The following FHIT variants were observed in gnomAD, a reference collection of about 807,000 sequenced individuals.
FHIT encodes the protein bis(5'-adenosyl)-triphosphatase.
A neutral mutation model predicts 17.9 loss-of-function variants in FHIT; 19 were observed. The observed-to-expected ratio is 1.06, with a 90% confidence interval of 0.74 to 1.56. The LOEUF (loss-of-function observed/expected upper bound fraction) is 1.56. FHIT is among the 40% of genes most tolerant of loss of function. FHIT has a pLI of 0.00. For missense variants in FHIT, 248 were observed against 189.2 expected, an observed-to-expected ratio of 1.31 and a Z score of -1.82; for synonymous variants, 81 against 69.7, an observed-to-expected ratio of 1.16 and a Z score of -0.81.
At chr3:60,329,033 G>T (rs1321511118) in intron 5 of FHIT, among the ~76,000 whole-genome samples, 1 of 152,088 alleles carries the variant, frequency 6.6e-6, no homozygotes, top group Non-Finnish European at 1.5e-5. Flanking sequence ...AACAACCCAG[G>T]AAAATTACTG....
intron 5 of FHIT, among the ~76,000 whole-genome samples, chr3:60,237,677 C>T (rs761368404): frequency 1.3e-5 from 2 of 152,178 alleles, no homozygotes; most frequent in African/African-American, 2.4e-5. Context: ...CTGCCCCATA[C>T]TTGCATTCGG....
At chr3:60,385,714 G>T (rs1700980932) in intron 5 of FHIT, among the ~76,000 whole-genome samples, 1 of 152,212 alleles carries the variant, frequency 6.6e-6, no homozygotes, top group Admixed American at 6.5e-5. Flanking sequence ...TGAGTAGCTG[G>T]GAATAAAGGC....
intron 4 of FHIT, among the ~76,000 whole-genome samples, chr3:60,714,924 G>GA (rs1335217144): frequency 1.3e-5 from 2 of 152,046 alleles, no homozygotes; most frequent in African/African-American, 2.4e-5. Context: ...CACGGAATTG[G>GA]AAAAAACTAC....
chr3:59,841,065 G>A (rs758715997), intron 8 of FHIT, among the ~76,000 whole-genome samples: 10 of 152,128 alleles, frequency 6.6e-5, no homozygotes, highest in South Asian at 2.1e-4. Flanking sequence ...ATGTCTTCGG[G>A]TTTCATTTTT....
At chr3:60,772,406 A>G (rs1029595048) in intron 4 of FHIT, among the ~76,000 whole-genome samples, 3 of 149,902 alleles carry the variant, frequency 2.0e-5, no homozygotes, top group Non-Finnish European at 4.4e-5. Flanking sequence ...GTCACTAACC[A>G]GAATACGAAT....
chr3:60,323,537 G>C (rs557174486), intron 5 of FHIT, among the ~76,000 whole-genome samples: 8 of 152,210 alleles, frequency 5.3e-5, no homozygotes, highest in Non-Finnish European at 1.0e-4. Context: ...TGGAAACAAG[G>C]CCAGGTCACA....
intron 3 of FHIT, among the ~76,000 whole-genome samples, chr3:60,853,928 C>T (rs1054498048): frequency 3.3e-5 from 5 of 152,112 alleles, no homozygotes; most frequent in Non-Finnish European, 1.5e-5. Flanking sequence ...CTTAGTAACA[C>T]TGCAAAGATG....
intron 7 of FHIT, among the ~76,000 whole-genome samples, chr3:59,959,571 T>C (rs1020988326): frequency 2.6e-5 from 4 of 152,200 alleles, no homozygotes; most frequent in Admixed American, 2.6e-4. Context: ...CATTCATCCA[T>C]CTAGTCATTC....
chr3:61,200,269 G>T (rs1002843701), intron 2 of FHIT, among the ~76,000 whole-genome samples: 1 of 152,142 alleles, frequency 6.6e-6, no homozygotes, highest in African/African-American at 2.4e-5. Context: ...TATTTGGCCA[G>T]CTAGTTTTAT....
chr3:60,604,742 C>G (rs2038554430), intron 4 of FHIT, among the ~76,000 whole-genome samples: 1 of 152,184 alleles, frequency 6.6e-6, no homozygotes, highest in African/African-American at 2.4e-5. Context: ...AGAAAAAGAT[C>G]TCTGCTCATT....
At chr3:60,212,498 A>G (rs1011660296) in intron 5 of FHIT, among the ~76,000 whole-genome samples, 1 of 152,186 alleles carries the variant, frequency 6.6e-6, no homozygotes, top group East Asian at 1.9e-4. Flanking sequence ...AATAATACTA[A>G]TATCTATTTT....
chr3:60,705,116 A>G (rs9832938), intron 4 of FHIT, among the ~76,000 whole-genome samples: 16,650 of 151,956 alleles, frequency 0.11, 1,941 homozygotes, highest in African/African-American at 0.29. Flanking sequence ...CATAGGAGAA[A>G]CCACAGAGAA....
intron 5 of FHIT, among the ~76,000 whole-genome samples, chr3:60,372,976 G>T (rs1371562313): frequency 6.6e-6 from 1 of 152,078 alleles, no homozygotes; most frequent in African/African-American, 2.4e-5. Context: ...ACTCATTTCT[G>T]TTCTAGAGCC....
intron 8 of FHIT, among the ~76,000 whole-genome samples, chr3:59,776,563 T>A (rs1366837354): frequency 6.6e-6 from 1 of 152,038 alleles, no homozygotes; most frequent in Non-Finnish European, 1.5e-5. Flanking sequence ...GGGGAGAGAC[T>A]CCTCGGGGTT....
At chr3:60,905,521 A>G (rs1553764332) in intron 3 of FHIT, among the ~76,000 whole-genome samples, 1 of 152,218 alleles carries the variant, frequency 6.6e-6, no homozygotes, top group Non-Finnish European at 1.5e-5. Flanking sequence ...AAAAACGTGG[A>G]CATAAAATTA....
chr3:61,016,250 A>G (rs1368073756), intron 3 of FHIT, among the ~76,000 whole-genome samples: 1 of 152,236 alleles, frequency 6.6e-6, no homozygotes, highest in East Asian at 1.9e-4. Flanking sequence ...GAGGAAAAGG[A>G]CAGTAATGAG....
chr3:60,019,795 C>CT (rs1337927507), intron 5 of FHIT, among the ~76,000 whole-genome samples: 1 of 152,206 alleles, frequency 6.6e-6, no homozygotes, highest in East Asian at 1.9e-4. Context: ...GGTTACTTAA[C>CT]TTGTTCAAAG....
intron 2 of FHIT, among the ~76,000 whole-genome samples, chr3:61,084,839 AG>A (rs2035256094): frequency 6.6e-6 from 1 of 152,148 alleles, no homozygotes; most frequent in Non-Finnish European, 1.5e-5. Context: ...TCCCCACACC[AG>A]GCAGCAACTG....
intron 2 of FHIT, among the ~76,000 whole-genome samples, chr3:61,076,233 A>C (rs1281955407): frequency 2.8e-4 from 43 of 152,210 alleles, no homozygotes; most frequent in Admixed American, 2.8e-3. Context: ...GGAGACCCTT[A>C]AACCCTTTTG....
Sources: allele counts gnomAD v4.1 joint callset (sites outside exome capture counted in the v4.1 genomes callset), GRCh38; gene constraint gnomAD v4.1.1; transcripts MANE v1.5; gene names NCBI Gene and HGNC (gene_info 2026-07-23, HGNC 2026-07-21).